Variants in ANKRD36C observed in about 807,000 individuals in gnomAD.
ANKRD36C encodes ankyrin repeat domain-containing protein 36C.
Under a neutral mutation model 276.4 loss-of-function variants are expected in ANKRD36C, and 61 were observed. The ratio of observed to expected loss-of-function variants is 0.22; its 90% CI spans 0.18 to 0.27. The LOEUF is 0.27. ANKRD36C is among the 10% of genes least tolerant of loss of function. The pLI is 1.00. For synonymous variants in ANKRD36C, 483 were observed against 680.1 expected, an observed-to-expected ratio of 0.71 and a Z score of 4.51; for missense variants, 1,447 against 2,032.3, an observed-to-expected ratio of 0.71 and a Z score of 5.54.
chr2:95,893,235 A>C (rs151287591), intron 44 of ANKRD36C, among the ~76,000 whole-genome samples: 1 of 151,214 alleles, frequency 6.6e-6, no homozygotes, highest in Non-Finnish European at 1.5e-5. Context: ...CCCTTACTGA[A>C]AACAAGCTGG....
intron 18 of ANKRD36C, 117 bp downstream of exon 18, chr2:95,944,997 A>C: frequency 7.5e-7 from 1 of 1,328,624 alleles, no homozygotes; most frequent in East Asian, 2.5e-5. Flanking sequence ...AGATCATGCC[A>C]CTGCACTCCA....
intron 56 of ANKRD36C, among the ~76,000 whole-genome samples, chr2:95,881,281 G>A (rs1162608329): frequency 2.6e-5 from 4 of 152,016 alleles, no homozygotes; most frequent in African/African-American, 4.8e-5. Flanking sequence ...TCCACTAATG[G>A]CAAGAAGGTA....
chr2:95,956,854 A>T (rs1212104338), intron 12 of ANKRD36C, 38 bp from the exon 13 acceptor site: 2 of 1,496,106 alleles, frequency 1.3e-6, no homozygotes, highest in Non-Finnish European at 1.8e-6. Context: ...TAAATCAACA[A>T]TAGGAACCTA....
intron 5 of ANKRD36C, among the ~76,000 whole-genome samples, chr2:95,979,988 C>A (rs1211668734): frequency 6.6e-6 from 1 of 151,966 alleles, no homozygotes; most frequent in Non-Finnish European, 1.5e-5. Context: ...CTAAAAAAAA[C>A]AGTTGTAACT....
At chr2:95,960,910 C>T (rs748119989) in intron 8 of ANKRD36C, among the ~76,000 whole-genome samples, 11 of 151,972 alleles carry the variant, frequency 7.2e-5, no homozygotes, top group Non-Finnish European at 1.2e-4. Flanking sequence ...ATGTCTATTA[C>T]TGCAATAAAA....
intron 58 of ANKRD36C, among the ~76,000 whole-genome samples, chr2:95,876,853 CAAAAAAAA>C (rs61043155): frequency 3.6e-5 from 3 of 84,162 alleles, no homozygotes; most frequent in Admixed American, 1.1e-4. Flanking sequence ...GACTGTGTCT[CAAAAAAAA>C]AAAAAAAAAA....
At position 95,912,675 on chromosome 2, in the gene ANKRD36C, C is replaced by T. The variant is rs566653138; in HGVS notation, c.2552-240G>A. On this transcript the variant is annotated intron_variant, in intron 40 of 66. Coordinates refer to ENST00000456556, the Ensembl canonical transcript of ANKRD36C. Reference sequence around the variant, plus strand: ...TGGTATGATTTGTCACGTGTCGAAACCCAAAATAAAACCGTGTCAATATCA... The same window carrying T: ...TGGTATGATTTGTCACGTGTCGAAATCCAAAATAAAACCGTGTCAATATCA... Among the ~76,000 whole-genome samples the T allele has an allele frequency of 5.4e-4, 82 of 151,386 alleles. 1 individual carries two copies. The highest frequency in any genetic ancestry group is 5.0e-3 in the Admixed American group (76 of 15,186).
chr2:95,934,535 A>AT (rs1677660259), intron 24 of ANKRD36C, among the ~76,000 whole-genome samples: 2 of 133,876 alleles, frequency 1.5e-5, no homozygotes, highest in East Asian at 4.3e-4. Flanking sequence ...TTTCTCACTC[A>AT]TAAGTGGGAG....
intron 13 of ANKRD36C, among the ~76,000 whole-genome samples, chr2:95,955,968 G>A (rs1280897419): frequency 6.6e-6 from 1 of 151,576 alleles, no homozygotes; most frequent in Non-Finnish European, 1.5e-5. Context: ...TAAGAAAAGT[G>A]GTAGAGAAAG....
At chr2:95,884,717 A>G (rs13029222) in intron 52 of ANKRD36C, among the ~76,000 whole-genome samples, 2 of 152,030 alleles carry the variant, frequency 1.3e-5, no homozygotes, top group African/African-American at 2.4e-5. Context: ...GTCAAAGCAG[A>G]TGGTACTTGA....
At chr2:95,966,130 A>G (rs199824286) in intron 6 of ANKRD36C, among the ~76,000 whole-genome samples, 3,168 of 121,950 alleles carry the variant, frequency 0.026, no homozygotes, top group Non-Finnish European at 0.027. Context: ...GGTACCCCAC[A>G]CACACTCCCA....
intron 42 of ANKRD36C, among the ~76,000 whole-genome samples, chr2:95,902,596 T>C (rs1227055595): frequency 6.7e-6 from 1 of 150,168 alleles, no homozygotes; most frequent in Non-Finnish European, 1.5e-5. Flanking sequence ...GAAAACAAGC[T>C]GGAGAATTAA....
At chr2:95,850,903 A>T (rs571641898), downstream of ANKRD36C, among the ~76,000 whole-genome samples, 2 of 152,204 alleles carry the variant, frequency 1.3e-5, no homozygotes, top group Non-Finnish European at 2.9e-5. Flanking sequence ...GTGGCAGAAG[A>T]AAAGTGTAGG....
chr2:95,884,099 G>T, intron 54 of ANKRD36C, 74 bp downstream of exon 74: 2 of 1,486,386 alleles, frequency 1.3e-6, no homozygotes, highest in South Asian at 1.2e-5. Flanking sequence ...CGAGCCCTCC[G>T]TTGATTTATT....
rs745804655 is a variant in ANKRD36C, at chr2:95,855,481, G to T, written c.4780C>A (p.Gln1594Lys). 5.6e-6 allele frequency: 9 copies of T among 1,611,960 alleles called. No homozygotes were observed. The Admixed American group carries it at 1.5e-4, about 27-fold the overall frequency. The stretch of plus-strand genomic sequence containing the variant: ...TTGCGAGCATCATCCAGTTGCTGTT[G>T]AAGCAACATATTTTGTTTTTTTAGT... The change falls in exon 63 of 67, where the codon CAA (glutamine) becomes AAA (lysine). Residue 1594 changes from glutamine (Q) to lysine (K), a missense_variant. By Grantham distance (53) the Gln-to-Lys change is moderately conservative. Transcript: ENST00000456556.
chr2:95,910,880 A>G (rs1447829197), intron 42 of ANKRD36C, among the ~76,000 whole-genome samples: 4 of 151,514 alleles, frequency 2.6e-5, no homozygotes, highest in East Asian at 2.0e-4. Context: ...TAAAATCAGA[A>G]GAGCAACTCA....
At chr2:95,885,036 A>T (rs1676170120) in intron 52 of ANKRD36C, among the ~76,000 whole-genome samples, 1 of 152,060 alleles carries the variant, frequency 6.6e-6, no homozygotes, top group Non-Finnish European at 1.5e-5. Context: ...GCACCAAAGG[A>T]TAATATATTA....
chr2:95,946,864 C>G (rs1678065952), intron 17 of ANKRD36C, among the ~76,000 whole-genome samples: 1 of 149,388 alleles, frequency 6.7e-6, no homozygotes, highest in Non-Finnish European at 1.5e-5. Context: ...ACAATGAGAT[C>G]ACATGGATAC....
chr2:95,860,117 A>G (rs1196060439), intron 60 of ANKRD36C, 43 bp from the exon 81 acceptor site: 5 of 1,245,218 alleles, frequency 4.0e-6, no homozygotes, highest in South Asian at 3.9e-5. Flanking sequence ...ATACATGAGT[A>G]GATTTTTGGA....
Sources: allele counts gnomAD v4.1 joint callset (sites outside exome capture counted in the v4.1 genomes callset), GRCh38; gene constraint gnomAD v4.1.1; transcripts MANE v1.5; gene names NCBI Gene and HGNC (gene_info 2026-07-23, HGNC 2026-07-21).